Variants in PLCB1 observed in about 807,000 individuals in gnomAD.
The protein encoded by PLCB1 is 1-phosphatidylinositol 4,5-bisphosphate phosphodiesterase beta-1.
In PLCB1, 46 loss-of-function variants were observed where a neutral mutation model predicts 161.8. That is an observed-to-expected ratio of 0.28 (90% CI 0.22 to 0.36). The LOEUF is 0.36. Ranked by LOEUF, PLCB1 falls within the 10% of genes least tolerant of loss-of-function variation. PLCB1 has a pLI of 1.00. For synonymous variants in PLCB1, 517 were observed against 503.7 expected, an observed-to-expected ratio of 1.03 and a Z score of -0.35; for missense variants, 1,016 against 1,472.5, an observed-to-expected ratio of 0.69 and a Z score of 5.07.
intron 2 of PLCB1, chr20:8,249,551 A>G (rs1981041832): frequency 6.6e-6 from 1 of 151,950 alleles, no homozygotes. Context: ...CAAGATTCCA[A>G]AATTAATTAT....
At chr20:8,445,960 C>T (rs1040104534) in intron 3 of PLCB1, among the ~76,000 whole-genome samples, 1 of 152,124 alleles carries the variant, frequency 6.6e-6, no homozygotes, top group Non-Finnish European at 1.5e-5. Context: ...GGATTCACAG[C>T]CGAATTCTAC....
At chr20:8,464,700 A>G (rs1384880823) in intron 3 of PLCB1, among the ~76,000 whole-genome samples, 1 of 152,180 alleles carries the variant, frequency 6.6e-6, no homozygotes, top group Non-Finnish European at 1.5e-5. Context: ...CGCCATAGCC[A>G]TAACATAGAG....
intron 2 of PLCB1, among the ~76,000 whole-genome samples, chr20:8,336,134 C>T (rs564314021): frequency 1.3e-5 from 2 of 152,142 alleles, no homozygotes; most frequent in South Asian, 2.1e-4. Context: ...TTGAATTCTG[C>T]GGTCAACAGA....
chr20:8,442,279 C>T (rs1980593239), intron 3 of PLCB1, among the ~76,000 whole-genome samples: 1 of 152,142 alleles, frequency 6.6e-6, no homozygotes, highest in Non-Finnish European at 1.5e-5. Context: ...GTTCTGAATA[C>T]TGAGATGTTC....
At chr20:8,713,335 A>G (rs934288228) in intron 12 of PLCB1, among the ~76,000 whole-genome samples, 7 of 152,080 alleles carry the variant, frequency 4.6e-5, no homozygotes, top group African/African-American at 1.7e-4. Flanking sequence ...GGCACGCACC[A>G]CCACAACTGG....
chr20:8,494,124 G>T (rs1983063528), intron 3 of PLCB1, among the ~76,000 whole-genome samples: 1 of 152,102 alleles, frequency 6.6e-6, no homozygotes, highest in Non-Finnish European at 1.5e-5. Context: ...TCAGGTAGCA[G>T]TCCTTACCTT....
intron 2 of PLCB1, among the ~76,000 whole-genome samples, chr20:8,265,648 AG>A (rs1981919534): frequency 1.3e-5 from 2 of 152,210 alleles, no homozygotes; most frequent in African/African-American, 2.4e-5. Flanking sequence ...TATGAACTTC[AG>A]TAATTTCTAA....
chr20:8,289,609 T>C (rs555913682), intron 2 of PLCB1, among the ~76,000 whole-genome samples: 2 of 152,292 alleles, frequency 1.3e-5, no homozygotes, highest in Admixed American at 1.3e-4. Context: ...GAATCCCAAA[T>C]GTGTCACCTG....
chr20:8,303,130 C>T (rs767145619), intron 2 of PLCB1, among the ~76,000 whole-genome samples: 4 of 152,062 alleles, frequency 2.6e-5, no homozygotes, highest in Non-Finnish European at 5.9e-5. Flanking sequence ...TCTGTATGTC[C>T]CCGAAATAGA....
In PLCB1 at chr20:8,733,690, A is replaced by G. The variant is rs189896858; in HGVS notation, c.2043+298A>G. The stretch of plus-strand genomic sequence containing the variant: ...GCATTAGGAGATACACCTAATGCTA[A>G]ATGACGAGTTAATGGGTGCAGCACA... On this transcript the variant is annotated intron_variant, in intron 19 of 31. Coordinates refer to ENST00000338037, the MANE Select transcript of PLCB1 (RefSeq NM_015192.4). 0.042 allele frequency among the ~76,000 whole-genome samples: 6,412 copies of G among 150,940 alleles called. 213 individuals are homozygous for G. The highest frequency in any genetic ancestry group is 0.066 in the Non-Finnish European group (4,472 of 67,816).
chr20:8,156,943 T>C (rs1238354742), intron 2 of PLCB1, among the ~76,000 whole-genome samples: 1 of 152,230 alleles, frequency 6.6e-6, no homozygotes, highest in East Asian at 1.9e-4. Flanking sequence ...ATGTGCTGTT[T>C]TGAAAACCAA....
intron 31 of PLCB1, chr20:8,792,892 G>A (rs1476825625): frequency 6.2e-6 from 2 of 320,264 alleles, no homozygotes; most frequent in Admixed American, 4.0e-5. Context: ...GACATGTGAA[G>A]AAAGACCAAA....
chr20:8,485,782 C>T (rs973982695), intron 3 of PLCB1, among the ~76,000 whole-genome samples: 1 of 152,182 alleles, frequency 6.6e-6, no homozygotes, highest in African/African-American at 2.4e-5. Context: ...ATAGGGAAAG[C>T]ATTAAAAATC....
intron 2 of PLCB1, among the ~76,000 whole-genome samples, chr20:8,347,119 G>A (rs982565706): frequency 1.3e-5 from 2 of 152,192 alleles, no homozygotes; most frequent in African/African-American, 4.8e-5. Flanking sequence ...GATCCAGAGG[G>A]TTCCTGTATA....
chr20:8,218,652 C>A (rs1979255037), intron 2 of PLCB1, among the ~76,000 whole-genome samples: 1 of 151,104 alleles, frequency 6.6e-6, no homozygotes, highest in African/African-American at 2.4e-5. Context: ...TAAAAATAGG[C>A]CCTTAGACAA....
intron 2 of PLCB1, among the ~76,000 whole-genome samples, chr20:8,190,563 C>T (rs542086564): frequency 1.3e-5 from 2 of 152,050 alleles, no homozygotes; most frequent in Non-Finnish European, 2.9e-5. Flanking sequence ...ATGGTCAGGC[C>T]TCCAGGTCAG....
intron 31 of PLCB1, among the ~76,000 whole-genome samples, chr20:8,850,434 A>T (rs1399668084): frequency 6.6e-6 from 1 of 152,200 alleles, no homozygotes; most frequent in Non-Finnish European, 1.5e-5. Context: ...GGTTAGGAAA[A>T]GATAAAAGGC....
chr20:8,172,857 T>A (rs546715445), intron 2 of PLCB1, among the ~76,000 whole-genome samples: 2 of 152,254 alleles, frequency 1.3e-5, no homozygotes, highest in Non-Finnish European at 2.9e-5. Context: ...GGGCAGGGTA[T>A]CTTATGTTTC....
chr20:8,586,208 C>T (rs1294663014), intron 3 of PLCB1, among the ~76,000 whole-genome samples: 2 of 152,194 alleles, frequency 1.3e-5, no homozygotes, highest in Admixed American at 6.5e-5. Flanking sequence ...GAGTTTCATC[C>T]TCAAATATCC....
Sources: gnomAD v4.1 joint callset for allele counts (sites outside exome capture counted in the v4.1 genomes callset) on GRCh38, gnomAD v4.1.1 for gene constraint, MANE v1.5 for transcripts, NCBI Gene and HGNC (gene_info 2026-07-23, HGNC 2026-07-21) for gene names.